SEC14L1: variants seen among roughly 807,000 people sequenced by gnomAD.
SEC14L1 encodes SEC14 like lipid binding 1.
Under a neutral mutation model 85.3 loss-of-function variants are expected in SEC14L1, and 48 were observed. The ratio of observed to expected loss-of-function variants is 0.56; its 90% CI spans 0.45 to 0.72. The LOEUF (loss-of-function observed/expected upper bound fraction) is 0.72, where lower values mean the gene tolerates loss of function less well. Among genes scored for constraint, SEC14L1 ranks in the 30% least tolerant of loss-of-function variants. The pLI is 0.00. For missense variants in SEC14L1, 682 were observed against 921.4 expected (o/e 0.74, Z 3.36); for synonymous variants, 391 against 355.5 (o/e 1.10, Z -1.12).
intron 14 of SEC14L1, chr17:77,209,852 T>TC (rs1214812803): frequency 6.0e-6 from 1 of 166,776 alleles, no homozygotes; most frequent in Non-Finnish European, 1.3e-5. Flanking sequence ...CTTTTTCTTT[T>TC]TTTTTTTCTA....
At chr17:77,100,251 C>T (rs1263311260) in intron 3 of SEC14L1, among the ~76,000 whole-genome samples, 1 of 152,248 alleles carries the variant, frequency 6.6e-6, no homozygotes, top group Non-Finnish European at 1.5e-5. Context: ...TCCCCTTCTG[C>T]ACCCTCCGAG....
intron 3 of SEC14L1, among the ~76,000 whole-genome samples, chr17:77,133,757 G>A (rs544489747): frequency 7.2e-5 from 11 of 152,048 alleles, no homozygotes; most frequent in Middle Eastern, 3.4e-3. Flanking sequence ...TGGCCAAGAT[G>A]GAGAAACCCC....
At chr17:77,115,929 T>G (rs931347987) in intron 3 of SEC14L1, among the ~76,000 whole-genome samples, 2 of 151,996 alleles carry the variant, frequency 1.3e-5, no homozygotes, top group Non-Finnish European at 2.9e-5. Flanking sequence ...TTTTTTTTTT[T>G]TTAAATTTTG....
chr17:77,200,145 G>T (rs1017802361), intron 8 of SEC14L1, among the ~76,000 whole-genome samples: 1 of 152,154 alleles, frequency 6.6e-6, no homozygotes, highest in South Asian at 2.1e-4. Flanking sequence ...CAGCCTGGGT[G>T]GCAGAATAAG....
chr17:77,190,943 G>C lies in SEC14L1; in HGVS notation c.204G>C (p.Leu68=). 6.2e-7 allele frequency: 1 copy of C among 1,614,148 alleles called. No homozygotes were observed. Among genetic ancestry groups the C allele is most frequent in the Non-Finnish European group, 8.5e-7 (1 of 1,180,034 alleles). ...RCKLDVDAPR[L]LKKIAGVDYV... is the part of the protein sequence containing the mutation. ...AGCTGGATGTAGATGCACCCAGACT[G>C]CTGAAGAAGGTAAAGGTCGGAAAGG... is the stretch of plus-strand genomic sequence containing the variant. Residue 68 remains leucine (L), a synonymous_variant, in exon 4 of 17, where the codon CTG becomes CTC. Coordinates refer to ENST00000436233, the MANE Select transcript of SEC14L1 (RefSeq NM_001143998.2).
chr17:77,190,514 A>G (rs1052104032), intron 3 of SEC14L1, among the ~76,000 whole-genome samples: 13 of 152,208 alleles, frequency 8.5e-5, no homozygotes, highest in Admixed American at 1.3e-4. Context: ...GTCTTTCCAT[A>G]TAAATTTTAA....
rs1976995539 is a variant in SEC14L1, at chr17:77,215,553, A to T, written c.*1530A>T. On this transcript the variant is annotated 3_prime_UTR_variant, in exon 17 of 17. Coordinates refer to ENST00000436233, the MANE Select transcript of SEC14L1 (RefSeq NM_001143998.2). Reference sequence around the variant, plus strand: ...GATCAGGAGGGCGGGGGAGGGACCGAGCAGCCCTCTTGCCCGGTCGGGTCA... The same window carrying T: ...GATCAGGAGGGCGGGGGAGGGACCGTGCAGCCCTCTTGCCCGGTCGGGTCA... The T allele has an allele frequency of 1.0e-6, 1 of 986,654 alleles. No homozygotes were observed. The allele number at this position is 986,654 out of a possible 1,614,324, so 61.1% of individuals were successfully genotyped here.
chr17:77,156,310 C>CA (rs1973814540), intron 3 of SEC14L1, among the ~76,000 whole-genome samples: 1 of 152,164 alleles, frequency 6.6e-6, no homozygotes, highest in Non-Finnish European at 1.5e-5. Flanking sequence ...CACGGTGGCT[C>CA]ACACTTGTAA....
At position 77,203,570 on chromosome 17, in the gene SEC14L1, A is replaced by G. The variant is rs1881296634; in HGVS notation, c.1010A>G (p.Asp337Gly). 1.2e-6 allele frequency: 2 copies of G among 1,613,136 alleles called. No individual in the cohort carries two copies. The highest frequency in any genetic ancestry group is 1.7e-6 in the Non-Finnish European group (2 of 1,179,672). ...YAGGWHHHDK[D>G]GRPLYVLRLG... ...ACTCATTCCTTCCCCTCCTCTGCAG[A>G]TGGGCGGCCCCTCTACGTGCTCAGG... Residue 337 changes from aspartate (D) to glycine (G), a missense_variant and splice_region_variant, in exon 10 of 17, where the codon GAT (aspartate) becomes GGT (glycine). Physicochemically the swap from Asp to Gly is moderately conservative, Grantham distance 94. This residue lies in a region of SEC14L1 where 420 missense variants were observed against 619.5 expected (regional missense o/e 0.68). Transcript: ENST00000436233.
intron 3 of SEC14L1, among the ~76,000 whole-genome samples, chr17:77,150,676 G>C (rs1160560126): frequency 1.3e-5 from 2 of 152,208 alleles, no homozygotes; most frequent in African/African-American, 4.8e-5. Flanking sequence ...CTGACGGGCA[G>C]CTGTGCCCAT....
At chr17:77,089,167 T>C in exon 2 of SEC14L1, 1 of 342,798 alleles carries the variant, frequency 2.9e-6, no homozygotes, top group South Asian at 2.5e-5. Flanking sequence ...CAACAGAAAA[T>C]GAGAAATATC....
At chr17:77,119,253 A>C (rs1489543728) in intron 3 of SEC14L1, among the ~76,000 whole-genome samples, 2 of 150,640 alleles carry the variant, frequency 1.3e-5, no homozygotes, top group Non-Finnish European at 2.9e-5. Context: ...GGTTGCAGTG[A>C]GCCGAGATTG....
chr17:77,215,362 G>C lies in SEC14L1; in HGVS notation c.*1339G>C. 1.0e-6 allele frequency: 1 copy of C among 985,422 alleles called. No homozygotes were observed. The allele number at this position is 985,422 out of a possible 1,614,324, so 61.0% of individuals were successfully genotyped here. On this transcript the variant is annotated 3_prime_UTR_variant, in exon 17 of 17. Transcript: ENST00000436233. ...AAGGACATGCAACACGTGTTTCTGTGTGCAGCAGAGGCCGTGTTTTTCATG... is the reference window on the plus strand; with the variant it reads ...AAGGACATGCAACACGTGTTTCTGTCTGCAGCAGAGGCCGTGTTTTTCATG...
chr17:77,106,335 C>T (rs999580009), intron 3 of SEC14L1, among the ~76,000 whole-genome samples: 1 of 152,138 alleles, frequency 6.6e-6, no homozygotes, highest in Admixed American at 6.5e-5. Flanking sequence ...AGTTTGAGAC[C>T]AGCCTGGCCA....
At chr17:77,146,713 A>G (rs62078294) in intron 3 of SEC14L1, among the ~76,000 whole-genome samples, 4,199 of 152,098 alleles carry the variant, frequency 0.028, 203 homozygotes, top group African/African-American at 0.095. Context: ...CAAACAAACA[A>G]ACACACAGAC....
chr17:77,189,446 G>T (rs1054195001), intron 3 of SEC14L1, among the ~76,000 whole-genome samples: 1 of 152,096 alleles, frequency 6.6e-6, no homozygotes, highest in Non-Finnish European at 1.5e-5. Context: ...ACTCCATTTT[G>T]GTTTGGTCTG....
Position 77,212,027 on chromosome 17 carries a change from C to T in SEC14L1, c.1689C>T (p.Asn563=). Residue 563 remains asparagine (N), a synonymous_variant, in exon 15 of 17, where the codon AAC becomes AAT. Coordinates refer to ENST00000436233, the MANE Select transcript of SEC14L1 (RefSeq NM_001143998.2). ...TGTGCAAAGGGGACATTGTGTTTAACATCTATCACTCCAAGAGGTCGCCAC... is the reference window on the plus strand; with the variant it reads ...TGTGCAAAGGGGACATTGTGTTTAATATCTATCACTCCAAGAGGTCGCCAC... ...FDVCKGDIVF[N]IYHSKRSPQP... is the part of the protein sequence containing the mutation. 1.9e-6 allele frequency: 3 copies of T among 1,614,116 alleles called. No individual in the cohort carries two copies. The highest frequency in any genetic ancestry group is 1.1e-5 in the South Asian group (1 of 91,080).
Position 77,214,379 on chromosome 17 carries a change from T to C in SEC14L1, c.*356T>C, listed in dbSNP as rs1207536679. The stretch of plus-strand genomic sequence containing the variant: ...CAACGAACTCCGCATTGTCCATTAG[T>C]GAATGAATTCCTGTGACATCCTCCA... On this transcript the variant is annotated 3_prime_UTR_variant, in exon 17 of 17. Transcript: ENST00000436233. 2 of 1,018,108 alleles carry C rather than the reference T, an allele frequency of 2.0e-6. No homozygotes were observed. Among genetic ancestry groups the C allele is most frequent in the East Asian group, 1.9e-4 (2 of 10,370 alleles). The allele number at this position is 1,018,108 out of a possible 1,614,324, so 63.1% of individuals were successfully genotyped here. A position where few individuals can be genotyped will look rare whatever the true frequency, so the allele number is the denominator to read the frequency against.
At chr17:77,160,601 A>G (rs551523228) in intron 3 of SEC14L1, among the ~76,000 whole-genome samples, 4 of 152,256 alleles carry the variant, frequency 2.6e-5, no homozygotes, top group African/African-American at 9.6e-5. Context: ...TTGACATTCA[A>G]GATTTATTGA....
Sources: gnomAD v4.1 joint callset for allele counts (sites outside exome capture counted in the v4.1 genomes callset) on GRCh38, gnomAD v4.1.1 for gene constraint, gnomAD v4.1.1 regional missense constraint, MANE v1.5 for transcripts, NCBI Gene and HGNC (gene_info 2026-07-23, HGNC 2026-07-21) for gene names.